ABCD2: variants seen among roughly 807,000 people sequenced by gnomAD.
The protein encoded by ABCD2 is ATP binding cassette subfamily D member 2, also known as ATP-binding cassette sub-family D member 2.
A neutral mutation model predicts 70.9 loss-of-function variants in ABCD2; 36 were observed. That is an observed-to-expected ratio of 0.51 (90% confidence interval 0.39 to 0.67). The LOEUF is 0.67. Among genes scored for constraint, ABCD2 ranks in the 30% least tolerant of loss-of-function variants. The probability of loss-of-function intolerance (pLI) is 0.00; values close to 1 mark genes in which losing one functional copy is unlikely to be tolerated. For synonymous variants in ABCD2, 304 were observed against 306.9 expected (o/e 0.99, Z 0.10); for missense variants, 729 against 890.2 (o/e 0.82, Z 2.30).
intron 8 of ABCD2, among the ~76,000 whole-genome samples, chr12:39,579,007 A>C (rs1448085828): frequency 1.3e-5 from 2 of 152,204 alleles, no homozygotes; most frequent in African/African-American, 2.4e-5. Context: ...ACATTATTTC[A>C]TCTAACATTA....
Position 39,586,446 on chromosome 12 carries a change from C to A in ABCD2, c.1647-149G>T, listed in dbSNP as rs76167403. 5.1e-4 allele frequency: 350 copies of A among 688,666 alleles called. 3 individuals are homozygous for A. In the East Asian group the frequency reaches 0.01, roughly 20 times the overall value. 42.7% of individuals were successfully genotyped at this position (688,666 alleles called of 1,614,324 possible). ...GTTACCTGGCGATGAGTACTTCTCC[C>A]TCAGGCACTGCTAAACAATACCGTT... On this transcript the variant is annotated intron_variant, in intron 6 of 9. Transcript: ENST00000308666.
chr12:39,539,203 A>G, the ABCD2 span, among the ~76,000 whole-genome samples: 1 of 152,238 alleles, frequency 6.6e-6, no homozygotes, highest in Non-Finnish European at 1.5e-5. Context: ...AGAAATGCTT[A>G]ACTCTAAAGA....
At chr12:39,585,138 C>T (rs943589081) in intron 7 of ABCD2, among the ~76,000 whole-genome samples, 1 of 152,136 alleles carries the variant, frequency 6.6e-6, no homozygotes, top group Non-Finnish European at 1.5e-5. Flanking sequence ...GATATTGATT[C>T]TTCCTATCCA....
chr12:39,558,637 T>C (rs905744510), intron 9 of ABCD2, among the ~76,000 whole-genome samples: 52 of 152,174 alleles, frequency 3.4e-4, no homozygotes, highest in African/African-American at 1.2e-3. Context: ...TCATTCTCCT[T>C]CCTGCCACCT....
chr12:39,561,094 A>G (rs1414599687), intron 9 of ABCD2, among the ~76,000 whole-genome samples: 1 of 152,132 alleles, frequency 6.6e-6, no homozygotes, highest in African/African-American at 2.4e-5. Flanking sequence ...AAGTTCTCCA[A>G]TTAAAACACA....
chr12:39,546,251 A>G (rs1463799991), downstream of ABCD2, among the ~76,000 whole-genome samples: 5 of 151,794 alleles, frequency 3.3e-5, no homozygotes, highest in African/African-American at 1.2e-4. Flanking sequence ...CAGTAATTTT[A>G]TTCATTCTCA....
downstream of ABCD2, among the ~76,000 whole-genome samples, chr12:39,548,958 C>T (rs1412895957): frequency 6.6e-6 from 1 of 151,878 alleles, no homozygotes; most frequent in Non-Finnish European, 1.5e-5. Context: ...TTGTTTATAA[C>T]ACAACTATAA....
intron 9 of ABCD2, among the ~76,000 whole-genome samples, chr12:39,557,735 C>T (rs780219280): frequency 1.3e-4 from 20 of 152,162 alleles, no homozygotes; most frequent in Admixed American, 5.9e-4. Flanking sequence ...CAGCTCAGGC[C>T]ATTCCTTCTG....
intron 3 of ABCD2, 122 bp from the exon 4 acceptor site, chr12:39,605,052 T>G (rs1941951646): frequency 1.5e-6 from 1 of 671,022 alleles, no homozygotes; most frequent in Non-Finnish European, 2.2e-6. Flanking sequence ...ATACATGAGA[T>G]ATATATAATA....
At chr12:39,596,093 A>G (rs1941811217) in intron 6 of ABCD2, among the ~76,000 whole-genome samples, 1 of 152,182 alleles carries the variant, frequency 6.6e-6, no homozygotes, top group Non-Finnish European at 1.5e-5. Flanking sequence ...AGAGGAGAGT[A>G]GGAAAGAACA....
At position 39,619,728 on chromosome 12, in the gene ABCD2, G is replaced by C; in HGVS notation, c.-113C>G. 1.1e-6 allele frequency: 1 copy of C among 919,208 alleles called. No homozygotes were observed. Among genetic ancestry groups the C allele is most frequent in the Non-Finnish European group, 1.6e-6 (1 of 625,088 alleles). The allele number at this position is 919,208 out of a possible 1,614,324, so 56.9% of individuals were successfully genotyped here. Reference sequence around the variant, plus strand: ...CCTACAGCGTCCCATAGTCTGCAGCGTTTCTCTTCCACTGTTGTGTTTTTA... The same window carrying C: ...CCTACAGCGTCCCATAGTCTGCAGCCTTTCTCTTCCACTGTTGTGTTTTTA... On this transcript the variant is annotated 5_prime_UTR_variant, in exon 1 of 10. Coordinates refer to ENST00000308666, the MANE Select transcript of ABCD2 (RefSeq NM_005164.4).
intron 6 of ABCD2, among the ~76,000 whole-genome samples, chr12:39,588,643 G>A (rs1241692748): frequency 1.3e-5 from 2 of 152,074 alleles, no homozygotes; most frequent in Non-Finnish European, 2.9e-5. Context: ...ACCGCCAAGT[G>A]TTTGGTAATT....
At chr12:39,607,989 G>T (rs968081018) in intron 2 of ABCD2, among the ~76,000 whole-genome samples, 16 of 152,054 alleles carry the variant, frequency 1.1e-4, no homozygotes, top group Non-Finnish European at 2.2e-4. Flanking sequence ...CCAGTATGGT[G>T]AAACCTTGTC....
rs958896908 is a variant in ABCD2 at position 39,587,276 on chromosome 12, T to C, written c.1647-979A>G. On this transcript the variant is annotated intron_variant, in intron 6 of 9. Transcript: ENST00000308666. ...CTGATATAGAGTGATTTCCATGATATATTGTTAAGTTGAAAAGCAAAATGC... is the reference window on the plus strand; with the variant it reads ...CTGATATAGAGTGATTTCCATGATACATTGTTAAGTTGAAAAGCAAAATGC... 7.9e-5 allele frequency among the ~76,000 whole-genome samples: 12 copies of C among 152,294 alleles called. No homozygotes were observed. In the East Asian group the frequency reaches 2.1e-3, roughly 27 times the overall value.
chr12:39,585,024 T>C (rs1331361151), intron 7 of ABCD2, among the ~76,000 whole-genome samples: 2 of 152,144 alleles, frequency 1.3e-5, no homozygotes, highest in Non-Finnish European at 1.5e-5. Flanking sequence ...TCCAAACAAA[T>C]TTTAAAATAG....
intron 8 of ABCD2, among the ~76,000 whole-genome samples, chr12:39,575,482 C>G (rs896055486): frequency 6.6e-6 from 1 of 152,100 alleles, no homozygotes; most frequent in Admixed American, 6.6e-5. Context: ...CTTTGTGTAT[C>G]ATCAGTAGAA....
chr12:39,611,746 A>G (rs1942047661), intron 2 of ABCD2, among the ~76,000 whole-genome samples: 1 of 152,070 alleles, frequency 6.6e-6, no homozygotes, highest in South Asian at 2.1e-4. Context: ...CACCATTAAG[A>G]GAGTGAAAAG....
chr12:39,573,110 C>G (rs974238104), intron 9 of ABCD2, among the ~76,000 whole-genome samples: 1 of 151,974 alleles, frequency 6.6e-6, no homozygotes, highest in Non-Finnish European at 1.5e-5. Flanking sequence ...TAAGATGTAC[C>G]TGGAACAGAA....
At chr12:39,557,591 G>A (rs767219329) in intron 9 of ABCD2, among the ~76,000 whole-genome samples, 14 of 152,104 alleles carry the variant, frequency 9.2e-5, no homozygotes, top group Non-Finnish European at 2.1e-4. Flanking sequence ...AGGCATGTAA[G>A]TGGTCTTCAT....
Sources: allele counts gnomAD v4.1 joint callset (sites outside exome capture counted in the v4.1 genomes callset), GRCh38; gene constraint gnomAD v4.1.1; transcripts MANE v1.5; gene names NCBI Gene and HGNC (gene_info 2026-07-23, HGNC 2026-07-21).